SMAD9: variants seen among roughly 807,000 people sequenced by gnomAD.
The protein encoded by SMAD9 is SMAD family member 9.
A neutral mutation model predicts 46.1 loss-of-function variants in SMAD9; 36 were observed. The ratio of observed to expected loss-of-function variants is 0.78; its 90% CI spans 0.60 to 1.03. The LOEUF (loss-of-function observed/expected upper bound fraction) is 1.03, where lower values mean the gene tolerates loss of function less well. Ranked by LOEUF, SMAD9 falls within the 50% of genes least tolerant of loss-of-function variation. SMAD9 has a pLI of 0.00. For synonymous variants in SMAD9, 245 were observed against 237.1 expected (o/e 1.03, Z -0.31); for missense variants, 572 against 599.8 (o/e 0.95, Z 0.48).
At chr13:36,916,679 G>C (rs2058700734) in intron 1 of SMAD9, among the ~76,000 whole-genome samples, 1 of 151,980 alleles carries the variant, frequency 6.6e-6, no homozygotes, top group Non-Finnish European at 1.5e-5. Context: ...TTGTAAGGAT[G>C]GTCTGAGGGG....
chr13:36,880,422 T>G (rs1385696250), intron 1 of SMAD9, among the ~76,000 whole-genome samples: 1 of 152,246 alleles, frequency 6.6e-6, no homozygotes, highest in Non-Finnish European at 1.5e-5. Context: ...TGTTCTTTCT[T>G]TCTCATTTTT....
rs1386852329 is a variant in SMAD9 at position 36,920,192 on chromosome 13, C to CA, written c.-264_-263insT. 1.9e-4 allele frequency: 7 copies of CA among 36,238 alleles called. No homozygotes were observed. Among genetic ancestry groups the CA allele is most frequent in the African/African-American group, 4.2e-4 (7 of 16,804 alleles). 2.2% of individuals were successfully genotyped at this position (36,238 alleles called of 1,614,324 possible). ...ACCGAGACAGCGGCTGCAGCAGCGG[C>CA]GGCGGCGGCGGCGGCGGCGGCGGCC... On this transcript the variant is annotated 5_prime_UTR_variant, in exon 1 of 7. Transcript: ENST00000379826.
chr13:36,866,399 T>TG (rs2058234722), intron 4 of SMAD9, among the ~76,000 whole-genome samples: 1 of 151,866 alleles, frequency 6.6e-6, no homozygotes, highest in Admixed American at 6.6e-5. Context: ...AACCCATGGA[T>TG]GTTTTCACAC....
At chr13:36,919,753 ATGCAGGCGCGAGGAAGGCGAGC>A (rs2058727232) in intron 1 of SMAD9, among the ~76,000 whole-genome samples, 1 of 146,654 alleles carries the variant, frequency 6.8e-6, no homozygotes, top group Non-Finnish European at 1.5e-5. Flanking sequence ...GCGCGGGCGG[ATGCAGGCGCGAGGAAGGCGAGC>A]TGCGCCGCGG....
At chr13:36,872,626 G>A (rs779632486) in intron 3 of SMAD9, 32 bp downstream of exon 3, 41 of 1,611,892 alleles carry the variant, frequency 2.5e-5, no homozygotes, top group South Asian at 2.2e-4. Context: ...TTATTTTCCC[G>A]TATTTCCCCA....
At chr13:36,876,054 C>A (rs2058342817) in intron 2 of SMAD9, among the ~76,000 whole-genome samples, 1 of 152,154 alleles carries the variant, frequency 6.6e-6, no homozygotes. Context: ...ACAGCTATCC[C>A]TAATTACTTA....
At chr13:36,914,919 TA>T (rs2058687579) in intron 1 of SMAD9, among the ~76,000 whole-genome samples, 1 of 152,206 alleles carries the variant, frequency 6.6e-6, no homozygotes, top group South Asian at 2.1e-4. Flanking sequence ...AGAATGACAT[TA>T]ACCATTGCAC....
chr13:36,873,411 T>C (rs1332391330), intron 2 of SMAD9, among the ~76,000 whole-genome samples: 1 of 152,174 alleles, frequency 6.6e-6, no homozygotes, highest in Non-Finnish European at 1.5e-5. Context: ...TCAGAGATCA[T>C]GTTGAATTAT....
intron 6 of SMAD9, chr13:36,849,553 C>T (rs1387951521): frequency 1.3e-5 from 2 of 152,004 alleles, no homozygotes; most frequent in Non-Finnish European, 2.9e-5. Flanking sequence ...CTCAAGTGGA[C>T]CTGTGATGTC....
chr13:36,916,198 G>GCATATCA (rs1444762556), intron 1 of SMAD9, among the ~76,000 whole-genome samples: 2 of 152,166 alleles, frequency 1.3e-5, no homozygotes, highest in Admixed American at 6.5e-5. Flanking sequence ...ATGCGGCTAT[G>GCATATCA]GTGGGGGGAG....
At chr13:36,882,384 G>C (rs2058412033) in intron 1 of SMAD9, among the ~76,000 whole-genome samples, 1 of 152,156 alleles carries the variant, frequency 6.6e-6, no homozygotes, top group African/African-American at 2.4e-5. Flanking sequence ...CTGTCTGTCT[G>C]AGGTTTCCCT....
chr13:36,855,251 CAA>C (rs1198605048), intron 5 of SMAD9, among the ~76,000 whole-genome samples: 2 of 45,962 alleles, frequency 4.4e-5, no homozygotes, highest in African/African-American at 1.7e-4. Flanking sequence ...GAGTCCATCT[CAA>C]AAAAAAAAAA....
At chr13:36,891,683 G>A (rs1490223246) in intron 1 of SMAD9, among the ~76,000 whole-genome samples, 1 of 152,164 alleles carries the variant, frequency 6.6e-6, no homozygotes, top group Non-Finnish European at 1.5e-5. Flanking sequence ...CTAGGTCAGA[G>A]CTGGATGGAT....
intron 1 of SMAD9, among the ~76,000 whole-genome samples, chr13:36,885,112 T>C (rs979777342): frequency 6.6e-6 from 1 of 152,236 alleles, no homozygotes; most frequent in Non-Finnish European, 1.5e-5. Flanking sequence ...ATTTAGAAAG[T>C]GAACACATTT....
chr13:36,903,958 T>C (rs1379318186), intron 1 of SMAD9, among the ~76,000 whole-genome samples: 7 of 152,184 alleles, frequency 4.6e-5, no homozygotes, highest in African/African-American at 1.7e-4. Flanking sequence ...ACTATTTACT[T>C]TTCCAATGTA....
rs1308255454 is a variant in SMAD9 at position 36,846,429 on chromosome 13, C to T, written c.*2247G>A. 7.4e-6 allele frequency: 1 copy of T among 134,672 alleles called. No individual in the cohort carries two copies. Among genetic ancestry groups the T allele is most frequent in the East Asian group, 2.2e-4 (1 of 4,578 alleles). 8.3% of individuals were successfully genotyped at this position (134,672 alleles called of 1,614,324 possible). A position where few individuals can be genotyped will look rare whatever the true frequency, so the allele number is the denominator to read the frequency against. ...GGCAGAGGTTGCAGTGAGCCAAGAT[C>T]ACGCCACTGCACTCTGGCCTGGTGA... On this transcript the variant is annotated 3_prime_UTR_variant, in exon 7 of 7. Transcript: ENST00000379826.
intron 5 of SMAD9, among the ~76,000 whole-genome samples, chr13:36,861,240 A>C (rs2058178819): frequency 6.6e-6 from 1 of 152,206 alleles, no homozygotes; most frequent in African/African-American, 2.4e-5. Context: ...GTCACAAGGA[A>C]TAAAAGCCAG....
chr13:36,874,362 G>A (rs1027517444), intron 2 of SMAD9, among the ~76,000 whole-genome samples: 1 of 152,166 alleles, frequency 6.6e-6, no homozygotes, highest in African/African-American at 2.4e-5. Context: ...CACCTACAAA[G>A]AAATGAGAAT....
Position 36,879,615 on chromosome 13 carries a change from C to T in SMAD9, c.75G>A (p.Lys25=), listed in dbSNP as rs2058383944. ...CCCACTTTTCCTCTTCATCTCCTTG[C>T]TTCCAGCCTAGCAGTCTCTTCACTG... ...SPAVKRLLGW[K]QGDEEEKWAE... The change falls in exon 2 of 7, where the codon AAG becomes AAA. Residue 25 remains lysine, a synonymous_variant. Coordinates refer to ENST00000379826, the MANE Select transcript of SMAD9 (RefSeq NM_001127217.3). 2.5e-6 allele frequency: 4 copies of T among 1,614,242 alleles called. No homozygotes were observed. In the East Asian group the frequency reaches 8.9e-5, roughly 36 times the overall value.
Sources: gnomAD v4.1 joint callset for allele counts (sites outside exome capture counted in the v4.1 genomes callset) on GRCh38, gnomAD v4.1.1 for gene constraint, MANE v1.5 for transcripts, NCBI Gene and HGNC (gene_info 2026-07-23, HGNC 2026-07-21) for gene names.